The following TULP4 variants were observed in gnomAD, a reference collection of about 807,000 sequenced individuals.
The protein encoded by TULP4 is tubby-related protein 4.
TULP4 carries 16 observed loss-of-function variants against 129.0 expected under a neutral mutation model. That is an observed-to-expected ratio of 0.12 (90% CI 0.08 to 0.19). TULP4 has a LOEUF of 0.19. TULP4 is among the 10% of genes least tolerant of loss of function. The pLI is 1.00. For missense variants in TULP4, 1,842 were observed against 2,059.1 expected, an observed-to-expected ratio of 0.89 and a Z score of 2.04; for synonymous variants, 998 against 854.0, an observed-to-expected ratio of 1.17 and a Z score of -2.94.
chr6:158,258,713 A>G (rs1008544343), intron 1 of TULP4, among the ~76,000 whole-genome samples: 1 of 152,274 alleles, frequency 6.6e-6, no homozygotes, highest in African/African-American at 2.4e-5. Context: ...AAATGCCGCC[A>G]TCACCAGTGC....
chr6:158,264,009 G>C (rs1394908836), intron 1 of TULP4, among the ~76,000 whole-genome samples: 1 of 152,142 alleles, frequency 6.6e-6, no homozygotes, highest in African/African-American at 2.4e-5. Flanking sequence ...CTTGCAGTGA[G>C]CCAAGATTGC....
Position 158,449,292 on chromosome 6 carries a change from G to A in TULP4, c.724+116G>A, listed in dbSNP as rs1262729182. ...AAGGGCCGCCACACCTACGGCACCC[G>A]GGCTTCCTGGGAAGAGTTATCAAGC... is the stretch of plus-strand genomic sequence containing the variant. On this transcript the variant is annotated intron_variant, in intron 4 of 13. Coordinates refer to ENST00000367097, the MANE Select transcript of TULP4 (RefSeq NM_020245.5). 2.1e-5 allele frequency: 23 copies of A among 1,087,182 alleles called. No homozygotes were observed. The South Asian group carries it at 3.1e-4, about 14-fold the overall frequency. The allele number at this position is 1,087,182 out of a possible 1,614,324, so 67.3% of individuals were successfully genotyped here.
chr6:158,385,096 G>A (rs1380741628), intron 1 of TULP4, among the ~76,000 whole-genome samples: 1 of 152,150 alleles, frequency 6.6e-6, no homozygotes, highest in Non-Finnish European at 1.5e-5. Context: ...TGTTGATGCC[G>A]TGAATGTAGG....
intron 8 of TULP4, among the ~76,000 whole-genome samples, chr6:158,483,645 C>T (rs1779998347): frequency 6.6e-6 from 1 of 152,168 alleles, no homozygotes; most frequent in Admixed American, 6.5e-5. Context: ...CTGATTAACT[C>T]ATTGAGGCCG....
chr6:158,300,618 A>G (rs2128475453), intron 1 of TULP4, among the ~76,000 whole-genome samples: 1 of 152,330 alleles, frequency 6.6e-6, no homozygotes, highest in South Asian at 2.1e-4. Flanking sequence ...TGGAAGCCCC[A>G]TAACTGCAAA....
upstream of TULP4, among the ~76,000 whole-genome samples, chr6:158,280,296 T>A (rs1778725977): frequency 6.6e-6 from 1 of 152,234 alleles, no homozygotes; most frequent in African/African-American, 2.4e-5. Flanking sequence ...CATGCCATTT[T>A]ATCTTTTTTT....
intron 1 of TULP4, among the ~76,000 whole-genome samples, chr6:158,292,380 C>T (rs1052482869): frequency 5.9e-5 from 9 of 152,214 alleles, no homozygotes; most frequent in Non-Finnish European, 7.4e-5. Context: ...GTTTTGTATC[C>T]GCTCTTGTGT....
At chr6:158,240,764 C>T (rs1328130278) in intron 1 of TULP4, among the ~76,000 whole-genome samples, 1 of 140,566 alleles carries the variant, frequency 7.1e-6, no homozygotes, top group African/African-American at 2.5e-5. Context: ...CCCCACCTCC[C>T]TCCCGGTCGG....
chr6:158,446,982 C>T (rs1231664720), intron 3 of TULP4, among the ~76,000 whole-genome samples: 2 of 152,152 alleles, frequency 1.3e-5, no homozygotes, highest in Non-Finnish European at 2.9e-5. Flanking sequence ...AGGCGGGGAG[C>T]TCATAAACAT....
chr6:158,341,787 A>C (rs13437296), intron 1 of TULP4, among the ~76,000 whole-genome samples: 26,307 of 151,632 alleles, frequency 0.17, 2,702 homozygotes, highest in Middle Eastern at 0.26. Flanking sequence ...GAGTTGTTTG[A>C]ATTTCTTATA....
chr6:158,303,958 G>A (rs6455563), intron 1 of TULP4, among the ~76,000 whole-genome samples: 129,108 of 152,236 alleles, frequency 0.85, 55,427 homozygotes, highest in South Asian at 0.92. Flanking sequence ...CTCCACTCCC[G>A]ATGGTAAATT....
At chr6:158,276,053 T>C (rs1778640003) in intron 1 of TULP4, among the ~76,000 whole-genome samples, 1 of 152,108 alleles carries the variant, frequency 6.6e-6, no homozygotes, top group Non-Finnish European at 1.5e-5. Flanking sequence ...CACTGCAACC[T>C]CCGCTGCAAG....
At chr6:158,461,756 C>CG in intron 6 of TULP4, 27 bp downstream of exon 6, 1 of 1,608,382 alleles carries the variant, frequency 6.2e-7, no homozygotes. Flanking sequence ...GAAACAAGTA[C>CG]ATTTTCAGCA....
At chr6:158,474,619 T>C (rs567334757) in intron 6 of TULP4, among the ~76,000 whole-genome samples, 4 of 152,180 alleles carry the variant, frequency 2.6e-5, no homozygotes, top group Non-Finnish European at 5.9e-5. Context: ...ACACTGTTTT[T>C]TACTTCACGG....
rs1413257780 is a variant in TULP4 at position 158,313,958 on chromosome 6, G to A, written c.-59G>A. ...AACACATATACCAATGAAAGAAATT[G>A]GTTTAAATTTCACAGCATTAACATT... On this transcript the variant is annotated 5_prime_UTR_variant, in exon 1 of 14. Coordinates refer to ENST00000367097, the MANE Select transcript of TULP4 (RefSeq NM_020245.5). The A allele has an allele frequency of 3.2e-6, 5 of 1,573,796 alleles. No homozygotes were observed. The highest frequency in any genetic ancestry group is 3.5e-6 in the Non-Finnish European group (4 of 1,159,184).
chr6:158,500,636 T>C (rs1452939431), intron 12 of TULP4, among the ~76,000 whole-genome samples: 1 of 152,238 alleles, frequency 6.6e-6, no homozygotes, highest in Non-Finnish European at 1.5e-5. Context: ...GTGCAGACAG[T>C]GGCTCTGAGC....
At chr6:158,476,634 G>A (rs1188410754) in intron 6 of TULP4, among the ~76,000 whole-genome samples, 6 of 152,154 alleles carry the variant, frequency 3.9e-5, no homozygotes. Flanking sequence ...CTGCTGTGAT[G>A]AACCCCGCAG....
intron 3 of TULP4, among the ~76,000 whole-genome samples, chr6:158,431,730 G>A (rs1778632998): frequency 6.6e-6 from 1 of 152,084 alleles, no homozygotes; most frequent in Non-Finnish European, 1.5e-5. Flanking sequence ...ACGTACCACA[G>A]GGAGTGGTTT....
intron 13 of TULP4, 96 bp downstream of exon 13, chr6:158,504,274 A>G: frequency 1.9e-6 from 2 of 1,040,942 alleles, no homozygotes; most frequent in East Asian, 2.6e-5. Flanking sequence ...CAAATGGGAA[A>G]TGTGGAAAAC....
Sources: allele counts gnomAD v4.1 joint callset (sites outside exome capture counted in the v4.1 genomes callset), GRCh38; gene constraint gnomAD v4.1.1; transcripts MANE v1.5; gene names NCBI Gene and HGNC (gene_info 2026-07-23, HGNC 2026-07-21).